Variants in PHF14 observed in about 807,000 individuals in gnomAD.
PHF14 encodes PHD finger protein 14.
PHF14 carries 55 observed loss-of-function variants against 117.9 expected under a neutral mutation model. That is an observed-to-expected ratio of 0.47 (90% CI 0.38 to 0.58). The LOEUF (loss-of-function observed/expected upper bound fraction) is 0.58. PHF14 is among the 20% of genes least tolerant of loss of function. The pLI, the probability that PHF14 is intolerant of heterozygous loss-of-function variation, is 0.00. For missense variants in PHF14, 978 were observed against 1,122.2 expected (o/e 0.87, Z 1.84); for synonymous variants, 409 against 368.6 (o/e 1.11, Z -1.26).
Position 11,061,846 on chromosome 7 carries a change from G to A in PHF14, c.2532+5G>A, listed in dbSNP as rs1362088328. 6.5e-7 allele frequency: 1 copy of A among 1,532,534 alleles called. No individual in the cohort carries two copies. The highest frequency in any genetic ancestry group is 8.8e-7 in the Non-Finnish European group (1 of 1,139,678). 94.9% of individuals were successfully genotyped at this position (1,532,534 alleles called of 1,614,324 possible). ...CCTGAGGAAGAAAAACATGAGGTTG[G>A]AATAAGTTAAGCACTTTTACACAGT... On this transcript the variant is annotated splice_donor_5th_base_variant and intron_variant, in intron 15 of 17. Transcript: ENST00000634607.
chr7:10,995,845 C>T (rs1270146807), intron 4 of PHF14, among the ~76,000 whole-genome samples: 4 of 152,238 alleles, frequency 2.6e-5, no homozygotes, highest in Non-Finnish European at 4.4e-5. Context: ...AGCCCATGCC[C>T]ACCCGGAACT....
chr7:11,010,083 A>T (rs562163604), intron 4 of PHF14, among the ~76,000 whole-genome samples: 1 of 152,300 alleles, frequency 6.6e-6, no homozygotes, highest in African/African-American at 2.4e-5. Context: ...GTAATTGCCT[A>T]CTTGTGTGGA....
intron 3 of PHF14, among the ~76,000 whole-genome samples, chr7:10,990,078 G>A (rs779392915): frequency 2.5e-4 from 38 of 150,536 alleles, no homozygotes; most frequent in Non-Finnish European, 2.5e-4. Context: ...CTGTATCTCT[G>A]TGTATTCATA....
intron 10 of PHF14, among the ~76,000 whole-genome samples, chr7:11,037,558 AATT>A (rs1258660156): frequency 2.6e-5 from 4 of 152,086 alleles, no homozygotes; most frequent in Non-Finnish European, 5.9e-5. Flanking sequence ...CTTTTCTTTA[AATT>A]ATTATTTATC....
At chr7:11,146,315 T>G (rs1788547406) in intron 17 of PHF14, among the ~76,000 whole-genome samples, 1 of 152,192 alleles carries the variant, frequency 6.6e-6, no homozygotes, top group Admixed American at 6.5e-5. Flanking sequence ...GGAATTTCTT[T>G]TTCAATATTT....
intron 3 of PHF14, among the ~76,000 whole-genome samples, chr7:10,985,078 A>G (rs1782166287): frequency 1.3e-5 from 2 of 152,166 alleles, no homozygotes; most frequent in Non-Finnish European, 2.9e-5. Flanking sequence ...TATTTAAATT[A>G]TGTCCCTCAA....
At chr7:10,990,900 T>C (rs750602470) in intron 4 of PHF14, 53 bp downstream of exon 4, 9 of 1,292,120 alleles carry the variant, frequency 7.0e-6, no homozygotes, top group Non-Finnish European at 9.8e-6. Flanking sequence ...GTGGCTCTTT[T>C]ACATTTGTAC....
chr7:11,048,009 T>C (rs1784733816), intron 13 of PHF14, among the ~76,000 whole-genome samples: 1 of 151,838 alleles, frequency 6.6e-6, no homozygotes, highest in African/African-American at 2.4e-5. Context: ...ATGAAAGTTA[T>C]TCTGTTGCAT....
chr7:10,986,897 C>T (rs1316898699), intron 3 of PHF14, among the ~76,000 whole-genome samples: 5 of 152,122 alleles, frequency 3.3e-5, no homozygotes, highest in Admixed American at 6.5e-5. Flanking sequence ...GCTCTGTTCT[C>T]ACAGAAAATA....
At chr7:11,028,868 T>C (rs757894432) in intron 7 of PHF14, 50 bp downstream of exon 7, 1 of 1,484,608 alleles carries the variant, frequency 6.7e-7, no homozygotes, top group Non-Finnish European at 9.4e-7. Context: ...AAGATATCTT[T>C]TGACTCTATG....
At position 10,974,876 on chromosome 7, in the gene PHF14, G is replaced by C; in HGVS notation, c.43G>C (p.Ala15Pro). 6.3e-7 allele frequency: 1 copy of C among 1,595,494 alleles called. No individual in the cohort carries two copies. The highest frequency in any genetic ancestry group is 8.5e-7 in the Non-Finnish European group (1 of 1,170,378). The change falls in exon 2 of 18, where the codon GCT (alanine) becomes CCT (proline). Residue 15 changes from alanine (A) to proline (P), a missense_variant. Ala to Pro is a conservative substitution (Grantham distance 27). Transcript: ENST00000634607. ...SKRRQVKPLA[A>P]SLLEALDYDS... Reference sequence around the variant, plus strand: ...GAGGAGGCAGGTGAAGCCTTTGGCAGCTTCTCTGCTGGAAGCTCTTGATTA... The same window carrying C: ...GAGGAGGCAGGTGAAGCCTTTGGCACCTTCTCTGCTGGAAGCTCTTGATTA...
At chr7:10,994,061 T>C (rs974844484) in intron 4 of PHF14, among the ~76,000 whole-genome samples, 1 of 151,018 alleles carries the variant, frequency 6.6e-6, no homozygotes, top group Non-Finnish European at 1.5e-5. Context: ...TAAGAGGATA[T>C]TTGAGCAGTG....
At chr7:10,991,984 C>A (rs1213687068) in intron 4 of PHF14, among the ~76,000 whole-genome samples, 1 of 150,860 alleles carries the variant, frequency 6.6e-6, no homozygotes, top group Non-Finnish European at 1.5e-5. Context: ...AAAAAGTTGA[C>A]TATTTTAGTC....
At position 11,017,785 on chromosome 7, in the gene PHF14, G is replaced by A. The variant is rs138835523; in HGVS notation, c.1205+3879G>A. 2.5e-3 allele frequency among the ~76,000 whole-genome samples: 383 copies of A among 152,006 alleles called. 1 individual carries two copies. The highest frequency in any genetic ancestry group is 3.6e-3 in the Non-Finnish European group (247 of 67,968). ...AAAAAAACCTGATATGATATCTTTCGTCTGTTTTTGCTTCGGTTGCTTGTG... is the reference window on the plus strand; with the variant it reads ...AAAAAAACCTGATATGATATCTTTCATCTGTTTTTGCTTCGGTTGCTTGTG... On this transcript the variant is annotated intron_variant, in intron 5 of 17. Transcript: ENST00000634607.
chr7:11,093,156 G>C (rs1370340160), intron 16 of PHF14, among the ~76,000 whole-genome samples: 1 of 152,148 alleles, frequency 6.6e-6, no homozygotes, highest in Non-Finnish European at 1.5e-5. Context: ...ATATTCGGAG[G>C]ATTTTCCATA....
At chr7:11,111,198 A>G in intron 16 of PHF14, 152 bp from the exon 17 acceptor site, 1 of 494,260 alleles carries the variant, frequency 2.0e-6, no homozygotes, top group Admixed American at 3.8e-5. Context: ...TGCCTTTATC[A>G]TCATCATTAA....
chr7:11,087,475 C>T (rs1221940137), intron 16 of PHF14, among the ~76,000 whole-genome samples: 1 of 152,192 alleles, frequency 6.6e-6, no homozygotes, highest in Non-Finnish European at 1.5e-5. Flanking sequence ...CAGGCATGAG[C>T]CACTGCGCCT....
intron 4 of PHF14, among the ~76,000 whole-genome samples, chr7:11,004,351 C>CTT (rs56235368): frequency 0.026 from 3,368 of 130,666 alleles, 153 homozygotes; most frequent in African/African-American, 0.09. Flanking sequence ...TTCTTCCAGG[C>CTT]TTTTTTTTTT....
chr7:11,114,692 TAGTC>T (rs751896863), intron 17 of PHF14, among the ~76,000 whole-genome samples: 19 of 152,240 alleles, frequency 1.2e-4, no homozygotes, highest in South Asian at 4.1e-4. Context: ...TCATAAAAAA[TAGTC>T]AGTTACATGG....
Sources: allele counts gnomAD v4.1 joint callset (sites outside exome capture counted in the v4.1 genomes callset), GRCh38; gene constraint gnomAD v4.1.1; transcripts MANE v1.5; gene names NCBI Gene and HGNC (gene_info 2026-07-23, HGNC 2026-07-21).